CDH15: variants seen among roughly 807,000 people sequenced by gnomAD.
CDH15 encodes the protein cadherin 15.
Under a neutral mutation model 69.4 loss-of-function variants are expected in CDH15, and 73 were observed. The observed-to-expected ratio is 1.05, with a 90% CI of 0.87 to 1.28. CDH15 has a LOEUF of 1.28. Ranked by LOEUF, CDH15 falls within the 50% of genes most tolerant of loss-of-function variation. CDH15 has a pLI of 0.00. For missense variants in CDH15, 1,343 were observed against 1,133.6 expected (o/e 1.18, Z -2.65); for synonymous variants, 624 against 507.7 (o/e 1.23, Z -3.08).
At chr16:89,191,288 T>A (rs1244992718) in intron 8 of CDH15, 42 bp from the exon 9 acceptor site, 1 of 1,611,734 alleles carries the variant, frequency 6.2e-7, no homozygotes, top group Non-Finnish European at 8.5e-7. Flanking sequence ...TGTGGGGCCC[T>A]GGGGTAAACT....
rs34314447 is a variant in CDH15, at chr16:89,191,629, C to G, written c.1376-26C>G. On this transcript the variant is annotated intron_variant, in intron 9 of 13. Coordinates refer to ENST00000289746, the MANE Select transcript of CDH15 (RefSeq NM_004933.3). ...GGGGCAGGCTGGGGTGTTGGGGTCACTAAGCCGCGGCCTCCTCGCCTGCAG... is the reference window on the plus strand; with the variant it reads ...GGGGCAGGCTGGGGTGTTGGGGTCAGTAAGCCGCGGCCTCCTCGCCTGCAG... 78,273 of 1,568,884 alleles carry G rather than the reference C, an allele frequency of 0.05. 2,398 individuals are homozygous for G. Among genetic ancestry groups the G allele is most frequent in the Non-Finnish European group, 0.059 (68,256 of 1,162,820 alleles).
chr16:89,187,609 C>T, intron 6 of CDH15, 52 bp downstream of exon 6: 1 of 1,608,988 alleles, frequency 6.2e-7, no homozygotes, highest in Non-Finnish European at 8.5e-7. Context: ...AGCTGCCTTC[C>T]CTTCTTGGGC....
chr16:89,178,007 C>A lies in CDH15; in HGVS notation c.43-1409C>A, dbSNP rs1378500173. ...CACCCCAGGAGGGAGGCCCAAGGCCCAGGCTAGGAGCTGGGTACGGTGACC... is the reference window on the plus strand; with the variant it reads ...CACCCCAGGAGGGAGGCCCAAGGCCAAGGCTAGGAGCTGGGTACGGTGACC... On this transcript the variant is annotated intron_variant, in intron 1 of 13. Coordinates refer to ENST00000289746, the MANE Select transcript of CDH15 (RefSeq NM_004933.3). 3.9e-5 allele frequency among the ~76,000 whole-genome samples: 6 copies of A among 152,350 alleles called. No individual in the cohort carries two copies. The South Asian group carries it at 6.2e-4, about 16-fold the overall frequency.
In CDH15 at chr16:89,193,744, C is replaced by T. The variant is rs1399462980; in HGVS notation, c.1993-11C>T. Reference sequence around the variant, plus strand: ...GGGATGCCTGGCTCTGTTCCACCTCCTCGCCCACAGGACGCCTACGACATC... The same window carrying T: ...GGGATGCCTGGCTCTGTTCCACCTCTTCGCCCACAGGACGCCTACGACATC... On this transcript the variant is annotated splice_polypyrimidine_tract_variant and intron_variant, in intron 12 of 13. Transcript: ENST00000289746. The T allele has an allele frequency of 2.5e-6, 4 of 1,601,460 alleles. No homozygotes were observed. In the South Asian group the frequency reaches 3.3e-5, roughly 13 times the overall value.
intron 1 of CDH15, among the ~76,000 whole-genome samples, chr16:89,178,045 C>A (rs1454683101): frequency 6.6e-6 from 1 of 152,234 alleles, no homozygotes; most frequent in Non-Finnish European, 1.5e-5. Flanking sequence ...ATTTTTAAAA[C>A]CAGAAAATTC....
At chr16:89,172,378 C>G (rs992213571) in intron 1 of CDH15, among the ~76,000 whole-genome samples, 4 of 152,150 alleles carry the variant, frequency 2.6e-5, no homozygotes, top group African/African-American at 9.7e-5. Flanking sequence ...GGCCCTGCCC[C>G]CAGGAACTCA....
intron 1 of CDH15, among the ~76,000 whole-genome samples, chr16:89,173,157 C>T (rs1189147413): frequency 2.0e-5 from 3 of 152,148 alleles, no homozygotes; most frequent in African/African-American, 7.2e-5. Context: ...GCTCAGCATG[C>T]GTGCTCACCC....
chr16:89,190,829 A>AC (rs567076470), intron 8 of CDH15, among the ~76,000 whole-genome samples: 317 of 152,154 alleles, frequency 2.1e-3, no homozygotes, highest in Non-Finnish European at 2.1e-3. Context: ...GTCTGTGTCC[A>AC]CGGGGCCCGG....
In CDH15 at chr16:89,187,068, A is replaced by G. The variant is rs535460921; in HGVS notation, c.664-361A>G. ...TGCTCTGTAAACGCTTACCCCGGGCACACAAGGTGCTCTGTAAACACTTAC... is the reference window on the plus strand; with the variant it reads ...TGCTCTGTAAACGCTTACCCCGGGCGCACAAGGTGCTCTGTAAACACTTAC... On this transcript the variant is annotated intron_variant, in intron 5 of 13. Transcript: ENST00000289746. Among the ~76,000 whole-genome samples the G allele has an allele frequency of 7.3e-5, 11 of 149,746 alleles. No individual in the cohort carries two copies. The East Asian group carries it at 1.8e-3, about 24-fold the overall frequency.
intron 1 of CDH15, among the ~76,000 whole-genome samples, chr16:89,176,929 T>G (rs1915269998): frequency 6.6e-6 from 1 of 152,118 alleles, no homozygotes; most frequent in South Asian, 2.1e-4. Flanking sequence ...GGGCTTGTCC[T>G]GGGTGGGGGT....
chr16:89,189,329 G>GCACGCACAGATGCC (rs879698969), intron 7 of CDH15, among the ~76,000 whole-genome samples: 14,899 of 83,232 alleles, frequency 0.18, 1,097 homozygotes, highest in Non-Finnish European at 0.21. Context: ...ACACATGCCG[G>GCACGCACAGATGCC]CACACACAGA....
chr16:89,188,341 C>G (rs1915541882), intron 7 of CDH15, 56 bp downstream of exon 7: 1 of 1,425,340 alleles, frequency 7.0e-7, no homozygotes, highest in Non-Finnish European at 9.8e-7. Flanking sequence ...CCGACACACA[C>G]AGATGCCCAC....
At chr16:89,193,321 A>C in intron 11 of CDH15, 149 bp from the exon 12 acceptor site, 10 of 648,116 alleles carry the variant, frequency 1.5e-5, no homozygotes, top group Middle Eastern at 4.2e-4. Context: ...CATGCCAGAC[A>C]CGCCCTTTCC....
chr16:89,180,228 G>C lies in CDH15; in HGVS notation c.230G>C (p.Ser77Thr). ...QIKSDKQQLGSVIYSIQGPGV... is the reference protein window; with the variant it reads ...QIKSDKQQLGTVIYSIQGPGV... ...AAGTCGGACAAGCAGCAGCTGGGCA[G>C]CGTCATCTACAGCATCCAGGGACCC... The change falls in exon 3 of 14, where the codon AGC becomes ACC. Residue 77 changes from serine to threonine, a missense_variant. Ser to Thr is a moderately conservative substitution (Grantham distance 58). Transcript: ENST00000289746. The C allele has an allele frequency of 6.2e-7, 1 of 1,610,794 alleles. No individual in the cohort carries two copies. Among genetic ancestry groups the C allele is most frequent in the South Asian group, 1.1e-5 (1 of 90,558 alleles).
rs1265015325 is a variant in CDH15 at position 89,190,472 on chromosome 16, ACACAGAGCAGCTGCAGAGGCT to A, written c.1211_1231del (p.Thr404_Leu410del). The A allele has an allele frequency of 6.3e-7, 1 of 1,598,770 alleles. No homozygotes were observed. The highest frequency in any genetic ancestry group is 1.3e-5 in the African/African-American group (1 of 74,838). On this transcript the variant is annotated inframe_deletion, in exon 8 of 14. Coordinates refer to ENST00000289746, the MANE Select transcript of CDH15 (RefSeq NM_004933.3). ...GCCACCTTCTCTGCCCGGGACCCTG[ACACAGAGCAGCTGCAGAGGCT>A]CAGGTGGGGCTCCTGAGGCCCTGGG...
chr16:89,174,459 G>A (rs550286179), intron 1 of CDH15, among the ~76,000 whole-genome samples: 14 of 152,330 alleles, frequency 9.2e-5, no homozygotes, highest in African/African-American at 2.6e-4. Flanking sequence ...ACCGCTCCTC[G>A]TTCCCGTCTC....
Position 89,190,267 on chromosome 16 carries a change from C to G in CDH15, c.1003C>G (p.His335Asp), listed in dbSNP as rs752859396. ...VKALDYESCE[H>D]YELKVSVQNE... ...GGCCCTGGACTATGAGAGCTGTGAACACTACGAACTCAAAGTGTCGGTGCA... is the reference window on the plus strand; with the variant it reads ...GGCCCTGGACTATGAGAGCTGTGAAGACTACGAACTCAAAGTGTCGGTGCA... The change falls in exon 8 of 14, where the codon CAC becomes GAC. Residue 335 changes from histidine (H) to aspartate (D), a missense_variant. Physicochemically the swap from His to Asp is moderately conservative, Grantham distance 81. Transcript: ENST00000289746. 6.2e-7 allele frequency: 1 copy of G among 1,612,754 alleles called. No homozygotes were observed. Among genetic ancestry groups the G allele is most frequent in the East Asian group, 2.2e-5 (1 of 44,876 alleles).
chr16:89,187,494 T>G lies in CDH15; in HGVS notation c.729T>G (p.Thr243=). 6.2e-7 allele frequency: 1 copy of G among 1,613,714 alleles called. No homozygotes were observed. Among genetic ancestry groups the G allele is most frequent in the South Asian group, 1.1e-5 (1 of 91,088 alleles). Residue 243 remains threonine, a synonymous_variant, in exon 6 of 14, where the codon ACT becomes ACG. Transcript: ENST00000289746. ...TGTCTGGAGACGGCCTCACAGCCACTGCCTCAGCCATCATCACCCTTGATG... is the reference window on the plus strand; with the variant it reads ...TGTCTGGAGACGGCCTCACAGCCACGGCCTCAGCCATCATCACCCTTGATG... ...ADMSGDGLTA[T]ASAIITLDDI...
At chr16:89,180,746 TG>T (rs1432526743) in intron 3 of CDH15, among the ~76,000 whole-genome samples, 1 of 152,120 alleles carries the variant, frequency 6.6e-6, no homozygotes, top group African/African-American at 2.4e-5. Context: ...GTTTTTGAGA[TG>T]GAGTCTCGCT....
Sources: allele counts gnomAD v4.1 joint callset (sites outside exome capture counted in the v4.1 genomes callset), GRCh38; gene constraint gnomAD v4.1.1; transcripts MANE v1.5; gene names NCBI Gene and HGNC (gene_info 2026-07-23, HGNC 2026-07-21).